FAM13A: variants seen among roughly 807,000 people sequenced by gnomAD.
FAM13A encodes the protein protein FAM13A.
A neutral mutation model predicts 129.6 loss-of-function variants in FAM13A; 76 were observed. The ratio of observed to expected loss-of-function variants is 0.59; its 90% CI spans 0.49 to 0.71. The LOEUF (loss-of-function observed/expected upper bound fraction) is 0.71. FAM13A is among the 30% of genes least tolerant of loss of function. The pLI, the probability that FAM13A is intolerant of heterozygous loss-of-function variation, is 0.00. For missense variants in FAM13A, 1,108 were observed against 1,249.3 expected (o/e 0.89, Z 1.70); for synonymous variants, 443 against 449.9 (o/e 0.98, Z 0.20).
chr4:88,777,840 G>C (rs1722080123), intron 11 of FAM13A, among the ~76,000 whole-genome samples: 1 of 152,112 alleles, frequency 6.6e-6, no homozygotes, highest in Admixed American at 6.6e-5. Flanking sequence ...AAGATCACCA[G>C]GGAGCGACAT....
intron 10 of FAM13A, among the ~76,000 whole-genome samples, chr4:88,783,431 C>T (rs1723345815): frequency 6.6e-6 from 1 of 152,040 alleles, no homozygotes; most frequent in Admixed American, 6.6e-5. Context: ...TCCTGAGTAG[C>T]TGGGACTACA....
rs773764813 is a variant in FAM13A at position 88,961,347 on chromosome 4, C to CTTTTTTTTTTTTTTTTTT, written c.606-23124_606-23107dup. Among the ~76,000 whole-genome samples the CTTTTTTTTTTTTTTTTTT allele has an allele frequency of 1.1e-4, 6 of 55,440 alleles. 2 individuals are homozygous for CTTTTTTTTTTTTTTTTTT. Among genetic ancestry groups the CTTTTTTTTTTTTTTTTTT allele is most frequent in the Admixed American group, 2.6e-4 (1 of 3,804 alleles). 36.4% of individuals were successfully genotyped at this position (55,440 alleles called of 152,430 possible). On this transcript the variant is annotated intron_variant, in intron 4 of 23. Transcript: ENST00000264344. ...AAATCCTCAGCTTTGTGGAATTTGC[C>CTTTTTTTTTTTTTTTTTT]TTTTTTTTTTTTTTTTTTTTTTTTT...
chr4:88,877,420 T>C (rs1742723902), intron 6 of FAM13A, among the ~76,000 whole-genome samples: 1 of 152,166 alleles, frequency 6.6e-6, no homozygotes, highest in Non-Finnish European at 1.5e-5. Context: ...AATACAGCAG[T>C]CTGGGAATGA....
chr4:88,922,919 C>T (rs1308086941), intron 5 of FAM13A, among the ~76,000 whole-genome samples: 2 of 152,228 alleles, frequency 1.3e-5, no homozygotes, highest in African/African-American at 2.4e-5. Flanking sequence ...ATACTACAAA[C>T]ACCTCTACGC....
Position 88,965,346 on chromosome 4 carries a change from C to A in FAM13A, c.605+25627G>T, listed in dbSNP as rs556255585. Reference sequence around the variant, plus strand: ...CAACTCTAGGATGGTCCTCTATCAACAAGAACACAGCAGACTTCTCTCAAT... The same window carrying A: ...CAACTCTAGGATGGTCCTCTATCAAAAAGAACACAGCAGACTTCTCTCAAT... On this transcript the variant is annotated intron_variant, in intron 4 of 23. Coordinates refer to ENST00000264344, the MANE Select transcript of FAM13A (RefSeq NM_014883.4). 4.6e-5 allele frequency among the ~76,000 whole-genome samples: 7 copies of A among 152,308 alleles called. No individual in the cohort carries two copies. The South Asian group carries it at 6.2e-4, about 14-fold the overall frequency.
At chr4:88,896,448 A>G (rs1746346239) in intron 6 of FAM13A, among the ~76,000 whole-genome samples, 1 of 152,210 alleles carries the variant, frequency 6.6e-6, no homozygotes, top group African/African-American at 2.4e-5. Flanking sequence ...TTCAATGTTT[A>G]TTAAGTTATT....
At chr4:88,941,866 C>T (rs906588712) in intron 4 of FAM13A, among the ~76,000 whole-genome samples, 1 of 151,882 alleles carries the variant, frequency 6.6e-6, no homozygotes, top group South Asian at 2.1e-4. Flanking sequence ...GAGTCATTGG[C>T]AAAAAAAGAT....
intron 4 of FAM13A, among the ~76,000 whole-genome samples, chr4:88,939,139 T>C (rs1487708280): frequency 6.6e-6 from 1 of 152,174 alleles, no homozygotes; most frequent in South Asian, 2.1e-4. Context: ...AGTATTGTCT[T>C]CCAGTTCTGG....
chr4:88,920,385 C>T (rs368023563), intron 5 of FAM13A, among the ~76,000 whole-genome samples: 8 of 152,188 alleles, frequency 5.3e-5, no homozygotes, highest in Non-Finnish European at 7.3e-5. Context: ...GCAGCATTCG[C>T]GGTTCACGAA....
chr4:88,930,984 G>A (rs571204983), intron 5 of FAM13A, among the ~76,000 whole-genome samples: 4 of 152,164 alleles, frequency 2.6e-5, no homozygotes, highest in Non-Finnish European at 4.4e-5. Flanking sequence ...TTAACAGTGA[G>A]GCACAGCCTA....
chr4:89,027,910 C>T (rs1579838762), intron 2 of FAM13A, among the ~76,000 whole-genome samples: 1 of 151,988 alleles, frequency 6.6e-6, no homozygotes, highest in Admixed American at 6.6e-5. Flanking sequence ...CCATTTAAAA[C>T]TGATGAATTG....
rs542549979 is a variant in FAM13A, at chr4:88,897,642, G to T, written c.843+8737C>A. Among the ~76,000 whole-genome samples the T allele has an allele frequency of 2.0e-5, 3 of 152,250 alleles. No homozygotes were observed. The East Asian group carries it at 5.8e-4, about 29-fold the overall frequency. ...GCTGTAACTAAAGATGTCTGAGAAA[G>T]ACAGCAATGGAGGCCAAATGGAGTA... On this transcript the variant is annotated intron_variant, in intron 6 of 23. Transcript: ENST00000264344.
At chr4:88,965,093 G>A (rs187714256) in intron 4 of FAM13A, among the ~76,000 whole-genome samples, 2 of 152,178 alleles carry the variant, frequency 1.3e-5, no homozygotes, top group Non-Finnish European at 2.9e-5. Flanking sequence ...AATTGAACAG[G>A]CAAGACTAAG....
chr4:88,804,356 A>C (rs1253219550), intron 8 of FAM13A, among the ~76,000 whole-genome samples: 3 of 152,222 alleles, frequency 2.0e-5, no homozygotes, highest in Admixed American at 1.3e-4. Context: ...TATACTTTTC[A>C]AATATATTTT....
chr4:88,796,976 C>T (rs549066404), intron 8 of FAM13A, among the ~76,000 whole-genome samples: 3 of 152,072 alleles, frequency 2.0e-5, no homozygotes, highest in East Asian at 1.9e-4. Context: ...ATTACTTTCA[C>T]GTCAACCTAA....
At chr4:88,963,250 C>T (rs530847821) in intron 4 of FAM13A, among the ~76,000 whole-genome samples, 1 of 151,950 alleles carries the variant, frequency 6.6e-6, no homozygotes, top group South Asian at 2.1e-4. Flanking sequence ...TGCTTTACAA[C>T]AATGGGTTGG....
intron 14 of FAM13A, among the ~76,000 whole-genome samples, 197 bp from the exon 15 acceptor site, chr4:88,750,834 T>G (rs772562079): frequency 2.5e-4 from 38 of 152,242 alleles, no homozygotes; most frequent in Non-Finnish European, 4.8e-4. Flanking sequence ...AGCCATCATC[T>G]GTCTACCTCT....
intron 6 of FAM13A, among the ~76,000 whole-genome samples, chr4:88,887,535 T>C (rs1186415312): frequency 9.1e-5 from 7 of 76,650 alleles, no homozygotes; most frequent in African/African-American, 2.6e-4. Flanking sequence ...TCTTTCTTTC[T>C]TTTTTTTTTT....
chr4:88,733,614 C>G (rs377321170), intron 21 of FAM13A, among the ~76,000 whole-genome samples: 13 of 152,282 alleles, frequency 8.5e-5, no homozygotes, highest in Non-Finnish European at 2.9e-5. Flanking sequence ...CTTCCCCTCC[C>G]CTGGATAAGG....
Sources: allele counts gnomAD v4.1 joint callset (sites outside exome capture counted in the v4.1 genomes callset), GRCh38; gene constraint gnomAD v4.1.1; transcripts MANE v1.5; gene names NCBI Gene and HGNC (gene_info 2026-07-23, HGNC 2026-07-21).